Variants in PTPRD observed in about 807,000 individuals in gnomAD.
PTPRD encodes the protein receptor-type tyrosine-protein phosphatase delta.
Under a neutral mutation model 214.5 loss-of-function variants are expected in PTPRD, and 34 were observed. The ratio of observed to expected loss-of-function variants is 0.16; its 90% CI spans 0.12 to 0.21. The LOEUF is 0.21. Ranked by LOEUF, PTPRD falls within the 10% of genes least tolerant of loss-of-function variation. The probability of loss-of-function intolerance (pLI) is 1.00; values close to 1 mark genes in which losing one functional copy is unlikely to be tolerated. For missense variants in PTPRD, 2,545 were observed against 2,398.7 expected (o/e 1.06, Z -1.27); for synonymous variants, 1,128 against 845.7 (o/e 1.33, Z -5.79).
At chr9:10,121,631 GTC>G (rs2098776146) in intron 3 of PTPRD, among the ~76,000 whole-genome samples, 1 of 152,186 alleles carries the variant, frequency 6.6e-6, no homozygotes, top group Non-Finnish European at 1.5e-5. Context: ...TGCTGCTGTT[GTC>G]TCTGTCTATG....
intron 8 of PTPRD, among the ~76,000 whole-genome samples, chr9:9,544,788 C>A (rs909793490): frequency 6.6e-6 from 1 of 151,394 alleles, no homozygotes; most frequent in Non-Finnish European, 1.5e-5. Context: ...TTATTTTATA[C>A]TTTTGTTTTA....
At chr9:9,870,138 T>C (rs73643810) in intron 5 of PTPRD, among the ~76,000 whole-genome samples, 49 of 152,134 alleles carry the variant, frequency 3.2e-4, no homozygotes, top group African/African-American at 1.1e-3. Flanking sequence ...ATCTCTAAGA[T>C]TGGTAAAAAG....
intron 2 of PTPRD, among the ~76,000 whole-genome samples, chr9:10,361,667 A>G (rs1323101142): frequency 6.6e-6 from 1 of 152,184 alleles, no homozygotes; most frequent in African/African-American, 2.4e-5. Flanking sequence ...CAAAATCTCT[A>G]TTAGGAACAC....
chr9:9,418,309 T>C (rs1212969289), intron 8 of PTPRD, among the ~76,000 whole-genome samples: 1 of 152,052 alleles, frequency 6.6e-6, no homozygotes, highest in Non-Finnish European at 1.5e-5. Context: ...CATAGTTTCT[T>C]ATGTCTAAAA....
intron 7 of PTPRD, among the ~76,000 whole-genome samples, chr9:9,672,850 G>T (rs779906878): frequency 6.6e-6 from 1 of 152,020 alleles, no homozygotes; most frequent in African/African-American, 2.4e-5. Flanking sequence ...AATAAAAACA[G>T]TATAAAAGTG....
chr9:9,409,458 C>A (rs10977734), intron 8 of PTPRD, among the ~76,000 whole-genome samples: 24,541 of 151,878 alleles, frequency 0.16, 2,065 homozygotes, highest in Non-Finnish European at 0.19. Flanking sequence ...TTCAAATATG[C>A]AGTATTAAAT....
chr9:10,393,926 ATCTT>A (rs2098120132), intron 2 of PTPRD, among the ~76,000 whole-genome samples: 2 of 148,226 alleles, frequency 1.3e-5, no homozygotes, highest in Admixed American at 1.4e-4. Flanking sequence ...GCTTGATTAT[ATCTT>A]TGCTATATGC....
intron 9 of PTPRD, among the ~76,000 whole-genome samples, chr9:9,205,791 T>C (rs1241291744): frequency 6.6e-6 from 1 of 152,204 alleles, no homozygotes; most frequent in African/African-American, 2.4e-5. Context: ...TTATTCCAGG[T>C]ACTGCCCTAG....
chr9:9,419,797 T>TGC (rs2078125170), intron 8 of PTPRD, among the ~76,000 whole-genome samples: 1 of 151,716 alleles, frequency 6.6e-6, no homozygotes. Flanking sequence ...GAAAACAAAA[T>TGC]GTAATTATTA....
intron 2 of PTPRD, among the ~76,000 whole-genome samples, chr9:10,464,783 T>A (rs1371858937): frequency 6.6e-6 from 1 of 152,118 alleles, no homozygotes; most frequent in Admixed American, 6.5e-5. Context: ...GTAACAACGG[T>A]AATGTCAGTA....
chr9:9,538,591 C>G (rs2076969096), intron 8 of PTPRD, among the ~76,000 whole-genome samples: 1 of 151,844 alleles, frequency 6.6e-6, no homozygotes, highest in African/African-American at 2.4e-5. Flanking sequence ...TAATGCTATG[C>G]TGCATACTGC....
intron 9 of PTPRD, among the ~76,000 whole-genome samples, chr9:9,292,263 T>C (rs796402171): frequency 1.1e-4 from 16 of 151,446 alleles, no homozygotes; most frequent in African/African-American, 3.6e-4. Flanking sequence ...GCATAACTGG[T>C]TCTTTATCTC....
chr9:9,983,336 C>T lies in PTPRD; in HGVS notation c.-471-44726G>A, dbSNP rs115888453. On this transcript the variant is annotated intron_variant, in intron 4 of 45. Coordinates refer to ENST00000381196, the MANE Select transcript of PTPRD (RefSeq NM_002839.4). ...TTGGAATCTTAGTGCAGAGTCAACA[C>T]TGCTGCCTTTCCAAAGAATCTCTAA... is the stretch of plus-strand genomic sequence containing the variant. Among the ~76,000 whole-genome samples, 1,217 of 152,328 alleles carry T rather than the reference C, an allele frequency of 8.0e-3. 12 individuals are homozygous for T. Among genetic ancestry groups the T allele is most frequent in the African/African-American group, 0.027 (1,127 of 41,578 alleles).
At chr9:10,482,277 A>G (rs1487340816) in intron 2 of PTPRD, among the ~76,000 whole-genome samples, 3 of 152,032 alleles carry the variant, frequency 2.0e-5, no homozygotes, top group Non-Finnish European at 4.4e-5. Context: ...AGGCTGAGGC[A>G]GGAGAATGGC....
intron 9 of PTPRD, among the ~76,000 whole-genome samples, chr9:9,295,327 G>C (rs1952627424): frequency 6.6e-6 from 1 of 151,674 alleles, no homozygotes; most frequent in African/African-American, 2.4e-5. Context: ...GAAGCCAAAT[G>C]AGTGAATCTT....
intron 3 of PTPRD, among the ~76,000 whole-genome samples, chr9:10,333,836 A>T (rs775239343): frequency 3.9e-5 from 6 of 151,960 alleles, no homozygotes; most frequent in Non-Finnish European, 8.8e-5. Flanking sequence ...TAGCTCCTGC[A>T]TCTATGCACT....
intron 2 of PTPRD, among the ~76,000 whole-genome samples, chr9:10,398,163 G>C (rs1363435719): frequency 6.6e-6 from 1 of 151,536 alleles, no homozygotes; most frequent in African/African-American, 2.4e-5. Context: ...AGGAGTGCTT[G>C]AGACCAGGAG....
At chr9:8,542,223 T>C (rs982515782) in intron 14 of PTPRD, among the ~76,000 whole-genome samples, 4 of 152,198 alleles carry the variant, frequency 2.6e-5, no homozygotes, top group Non-Finnish European at 4.4e-5. Flanking sequence ...CTTGCGGGCA[T>C]GTGTACTGGG....
chr9:10,181,870 T>A (rs530597971), intron 3 of PTPRD, among the ~76,000 whole-genome samples: 1 of 128,370 alleles, frequency 7.8e-6, no homozygotes, highest in East Asian at 2.3e-4. Flanking sequence ...ACAAAAAAAA[T>A]AGTATAAGAT....
Sources: allele counts gnomAD v4.1 joint callset (sites outside exome capture counted in the v4.1 genomes callset), GRCh38; gene constraint gnomAD v4.1.1; transcripts MANE v1.5; gene names NCBI Gene and HGNC (gene_info 2026-07-23, HGNC 2026-07-21).